VWA8: variants seen among roughly 807,000 people sequenced by gnomAD.
VWA8 encodes the protein von Willebrand factor A domain containing 8.
A neutral mutation model predicts 241.5 loss-of-function variants in VWA8; 221 were observed. The observed-to-expected ratio is 0.91, with a 90% CI of 0.82 to 1.02. The LOEUF is 1.02. Among genes scored for constraint, VWA8 ranks in the 50% least tolerant of loss-of-function variants. The pLI, the probability that VWA8 is intolerant of heterozygous loss-of-function variation, is 0.00. For missense variants in VWA8, 2,322 were observed against 2,328.7 expected, an observed-to-expected ratio of 1.00 and a Z score of 0.06; for synonymous variants, 852 against 827.1, an observed-to-expected ratio of 1.03 and a Z score of -0.52.
rs971624754 is a variant in VWA8 at position 41,926,651 on chromosome 13, G to A, written c.242-14483C>T. ...TCTCTTGGAAATCACAGAGAAGATG[G>A]TTTCAGGGATGGTAAAGCATATTAC... On this transcript the variant is annotated intron_variant, in intron 2 of 44. Transcript: ENST00000379310. The A allele has an allele frequency of 1.1e-5, 6 of 543,094 alleles. No homozygotes were observed. The East Asian group carries it at 3.0e-4, about 27-fold the overall frequency. 33.6% of individuals were successfully genotyped at this position (543,094 alleles called of 1,614,324 possible).
intron 4 of VWA8, among the ~76,000 whole-genome samples, chr13:41,897,659 G>C (rs984786618): frequency 4.6e-5 from 7 of 152,108 alleles, no homozygotes; most frequent in African/African-American, 1.4e-4. Context: ...TTAAGGCTGC[G>C]CGTCTGGAGT....
chr13:41,643,582 C>T (rs1018883514), intron 37 of VWA8, among the ~76,000 whole-genome samples: 6 of 152,190 alleles, frequency 3.9e-5, no homozygotes, highest in Non-Finnish European at 8.8e-5. Flanking sequence ...AGGGAGCTAA[C>T]GTTGTTTGCA....
At chr13:41,619,946 C>T (rs1468894938) in intron 37 of VWA8, among the ~76,000 whole-genome samples, 1 of 152,138 alleles carries the variant, frequency 6.6e-6, no homozygotes, top group Non-Finnish European at 1.5e-5. Flanking sequence ...TTTGTTGTGT[C>T]TCTGCCAGGC....
intron 37 of VWA8, among the ~76,000 whole-genome samples, chr13:41,629,427 G>A (rs2044712966): frequency 6.6e-6 from 1 of 152,148 alleles, no homozygotes; most frequent in South Asian, 2.1e-4. Context: ...CAAGTGGCCA[G>A]TTTTTCAGCT....
chr13:41,926,896 C>A, intron 2 of VWA8: 1 of 575,168 alleles, frequency 1.7e-6, no homozygotes. Flanking sequence ...CTACCTTGGA[C>A]CACAGCCAGG....
chr13:41,856,336 A>C (rs1872748595), intron 12 of VWA8, among the ~76,000 whole-genome samples: 1 of 149,568 alleles, frequency 6.7e-6, no homozygotes. Context: ...ACTTTGATCA[A>C]AACAAAACAA....
intron 43 of VWA8, among the ~76,000 whole-genome samples, chr13:41,572,222 TG>T (rs879350194): frequency 1.3e-5 from 2 of 150,440 alleles, no homozygotes; most frequent in Non-Finnish European, 3.0e-5. Flanking sequence ...GGGAGGGAGG[TG>T]GGGGGCGCCT....
intron 24 of VWA8, among the ~76,000 whole-genome samples, chr13:41,725,923 T>C (rs1566430109): frequency 1.3e-5 from 2 of 152,226 alleles, no homozygotes; most frequent in Non-Finnish European, 2.9e-5. Context: ...AAAAATAGTA[T>C]AACTGAGTAT....
intron 42 of VWA8, among the ~76,000 whole-genome samples, chr13:41,576,931 G>A (rs550926961): frequency 1.3e-5 from 2 of 152,262 alleles, no homozygotes; most frequent in African/African-American, 4.8e-5. Flanking sequence ...GCATGTGTGT[G>A]GACACCCAGT....
chr13:41,748,807 T>C lies in VWA8; in HGVS notation c.2426+12321A>G, dbSNP rs201132779. ...GTGCTGGGAAAACTGGCTAGCCATA[T>C]GTAGAAAGCTGAAACTGGATCCCTT... On this transcript the variant is annotated intron_variant, in intron 21 of 44. Coordinates refer to ENST00000379310, the MANE Select transcript of VWA8 (RefSeq NM_015058.2). Among the ~76,000 whole-genome samples the C allele has an allele frequency of 4.1e-4, 62 of 152,332 alleles. No homozygotes were observed. In the East Asian group the frequency reaches 0.01, roughly 26 times the overall value.
intron 12 of VWA8, among the ~76,000 whole-genome samples, chr13:41,846,481 G>A (rs892101105): frequency 6.6e-6 from 1 of 152,184 alleles, no homozygotes; most frequent in Non-Finnish European, 1.5e-5. Flanking sequence ...AATTAAATGA[G>A]ATAATGCCTG....
intron 29 of VWA8, among the ~76,000 whole-genome samples, chr13:41,695,579 A>G (rs2045210714): frequency 6.6e-6 from 1 of 152,170 alleles, no homozygotes; most frequent in Non-Finnish European, 1.5e-5. Flanking sequence ...CAGGTCTGAC[A>G]TCTTGACAGA....
At chr13:41,580,739 G>C (rs181668736) in intron 42 of VWA8, among the ~76,000 whole-genome samples, 4 of 152,332 alleles carry the variant, frequency 2.6e-5, no homozygotes, top group Non-Finnish European at 5.9e-5. Context: ...GAAGTCAGAA[G>C]TGCTGGCTTT....
chr13:41,575,677 C>A (rs2044346283), intron 43 of VWA8, 63 bp downstream of exon 43: 3 of 1,223,396 alleles, frequency 2.5e-6, no homozygotes, highest in Admixed American at 2.1e-5. Flanking sequence ...TCAATGAATC[C>A]TTTTAGTCTT....
At chr13:41,639,428 C>T (rs2044780596) in intron 37 of VWA8, among the ~76,000 whole-genome samples, 1 of 152,280 alleles carries the variant, frequency 6.6e-6, no homozygotes, top group African/African-American at 2.4e-5. Flanking sequence ...TGTCTGGGTG[C>T]TCAGAGCTCT....
At chr13:41,933,482 G>A (rs931321752) in intron 2 of VWA8, among the ~76,000 whole-genome samples, 3 of 151,964 alleles carry the variant, frequency 2.0e-5, no homozygotes, top group African/African-American at 7.2e-5. Context: ...ATCACATATA[G>A]ATGCAAAGAA....
At chr13:41,666,340 A>G (rs2044985933) in intron 37 of VWA8, among the ~76,000 whole-genome samples, 1 of 152,080 alleles carries the variant, frequency 6.6e-6, no homozygotes, top group Admixed American at 6.6e-5. Flanking sequence ...ACATGATACT[A>G]TCTTATCTGT....
At chr13:41,881,209 C>T (rs1000078205) in intron 9 of VWA8, among the ~76,000 whole-genome samples, 1 of 151,994 alleles carries the variant, frequency 6.6e-6, no homozygotes, top group African/African-American at 2.4e-5. Context: ...GACATATCGA[C>T]ATCATTTGTT....
At chr13:41,749,521 G>A (rs1244239314) in intron 21 of VWA8, among the ~76,000 whole-genome samples, 1 of 152,096 alleles carries the variant, frequency 6.6e-6, no homozygotes, top group East Asian at 1.9e-4. Flanking sequence ...ACCCAAAGTA[G>A]TATAAATCAT....
Sources: gnomAD v4.1 joint callset for allele counts (sites outside exome capture counted in the v4.1 genomes callset) on GRCh38, gnomAD v4.1.1 for gene constraint, MANE v1.5 for transcripts, NCBI Gene and HGNC (gene_info 2026-07-23, HGNC 2026-07-21) for gene names.